PARD3B: variants seen among roughly 807,000 people sequenced by gnomAD.
PARD3B encodes the protein partitioning defective 3 homolog B.
PARD3B carries 103 observed loss-of-function variants against 130.2 expected under a neutral mutation model. That is an observed-to-expected ratio of 0.79 (90% CI 0.67 to 0.93). PARD3B has a LOEUF of 0.93. Ranked by LOEUF, PARD3B falls within the 40% of genes least tolerant of loss-of-function variation. The probability of loss-of-function intolerance (pLI) is 0.00; values close to 1 mark genes in which losing one functional copy is unlikely to be tolerated. For missense variants in PARD3B, 1,609 were observed against 1,499.2 expected (o/e 1.07, Z -1.21); for synonymous variants, 583 against 553.2 (o/e 1.05, Z -0.76).
intron 2 of PARD3B, among the ~76,000 whole-genome samples, chr2:204,918,617 G>C (rs1415841810): frequency 3.5e-5 from 5 of 143,916 alleles, no homozygotes; most frequent in African/African-American, 1.3e-4. Flanking sequence ...GCGACAGAGC[G>C]AGACTCCGTC....
chr2:204,570,405 T>C (rs1199890992), intron 1 of PARD3B, among the ~76,000 whole-genome samples: 1 of 152,184 alleles, frequency 6.6e-6, no homozygotes, highest in African/African-American at 2.4e-5. Context: ...CCGCCTTCTG[T>C]ATTAGCAAGG....
intron 22 of PARD3B, among the ~76,000 whole-genome samples, chr2:205,581,267 G>GAT (rs1559238123): frequency 0.035 from 3,813 of 109,342 alleles, 164 homozygotes; most frequent in African/African-American, 0.13. Flanking sequence ...TATAGATATA[G>GAT]ATAGATAGAT....
chr2:205,115,680 A>G (rs1042222272), intron 6 of PARD3B, among the ~76,000 whole-genome samples: 2 of 152,208 alleles, frequency 1.3e-5, no homozygotes, highest in African/African-American at 4.8e-5. Context: ...TAATGAGTAC[A>G]GGCTGAAACA....
At chr2:204,965,592 G>C (rs945469942) in intron 3 of PARD3B, among the ~76,000 whole-genome samples, 1 of 152,046 alleles carries the variant, frequency 6.6e-6, no homozygotes, top group South Asian at 2.1e-4. Flanking sequence ...AAGTTTGCCT[G>C]TATCATATGA....
At chr2:204,918,693 A>C (rs1179266674) in intron 2 of PARD3B, among the ~76,000 whole-genome samples, 2 of 152,016 alleles carry the variant, frequency 1.3e-5, no homozygotes, top group East Asian at 1.9e-4. Context: ...TAAAATTTGC[A>C]AAGGTTATAG....
chr2:205,431,524 C>T (rs1309561503), intron 19 of PARD3B, among the ~76,000 whole-genome samples: 1 of 151,680 alleles, frequency 6.6e-6, no homozygotes, highest in Non-Finnish European at 1.5e-5. Context: ...GGCTTGAGTG[C>T]AGTGGCGCTA....
intron 2 of PARD3B, among the ~76,000 whole-genome samples, chr2:204,830,137 C>G (rs977751940): frequency 1.3e-5 from 2 of 152,106 alleles, no homozygotes; most frequent in Admixed American, 1.3e-4. Context: ...CCCAGCCATG[C>G]CTGCTGTGTA....
At chr2:205,502,807 A>G (rs1339482898) in intron 21 of PARD3B, among the ~76,000 whole-genome samples, 4 of 152,084 alleles carry the variant, frequency 2.6e-5, no homozygotes, top group Admixed American at 2.6e-4. Context: ...TTTAAAATAT[A>G]TATATAAATA....
At chr2:204,705,777 A>G (rs1463832359) in intron 2 of PARD3B, among the ~76,000 whole-genome samples, 1 of 152,160 alleles carries the variant, frequency 6.6e-6, no homozygotes, top group Non-Finnish European at 1.5e-5. Context: ...AAGCAGTCCA[A>G]AGCAGTGAAG....
At chr2:205,533,678 A>AACTT (rs1384828310) in intron 21 of PARD3B, among the ~76,000 whole-genome samples, 4 of 152,180 alleles carry the variant, frequency 2.6e-5, no homozygotes, top group Admixed American at 2.6e-4. Context: ...ATAAATACTA[A>AACTT]ACTTACAAAA....
At chr2:205,538,635 TTCTC>T (rs1382402282) in intron 21 of PARD3B, among the ~76,000 whole-genome samples, 2 of 152,252 alleles carry the variant, frequency 1.3e-5, no homozygotes, top group East Asian at 1.9e-4. Flanking sequence ...TGTCTCTCCT[TTCTC>T]TCTCGTCACT....
At chr2:205,548,658 T>TATAAATTC (rs1479380444) in intron 21 of PARD3B, among the ~76,000 whole-genome samples, 1 of 152,130 alleles carries the variant, frequency 6.6e-6, no homozygotes, top group Non-Finnish European at 1.5e-5. Context: ...TCTTAAAAAC[T>TATAAATTC]ATAAATTCCC....
At chr2:205,117,033 A>G (rs2029885902) in intron 6 of PARD3B, among the ~76,000 whole-genome samples, 1 of 152,174 alleles carries the variant, frequency 6.6e-6, no homozygotes, top group South Asian at 2.1e-4. Flanking sequence ...AATTAAAGGA[A>G]GACTTGAATG....
intron 3 of PARD3B, among the ~76,000 whole-genome samples, chr2:204,971,755 A>C (rs1691729684): frequency 6.6e-6 from 1 of 152,094 alleles, no homozygotes; most frequent in South Asian, 2.1e-4. Context: ...TGTGACTATA[A>C]CTAAATCAGG....
chr2:204,989,105 G>C (rs563373879), intron 3 of PARD3B, among the ~76,000 whole-genome samples: 10 of 152,096 alleles, frequency 6.6e-5, no homozygotes, highest in African/African-American at 2.4e-4. Context: ...TAATGTTAAG[G>C]GGGGTACAGG....
intron 1 of PARD3B, among the ~76,000 whole-genome samples, chr2:204,662,634 G>A (rs1159687540): frequency 2.6e-5 from 4 of 152,178 alleles, no homozygotes; most frequent in South Asian, 4.1e-4. Context: ...TTCAAGGGTT[G>A]AGGTTTAATA....
intron 11 of PARD3B, among the ~76,000 whole-genome samples, chr2:205,161,332 AG>A (rs1461874966): frequency 6.6e-6 from 1 of 152,148 alleles, no homozygotes; most frequent in Non-Finnish European, 1.5e-5. Flanking sequence ...TGGTCTGCTG[AG>A]TCAGACAATC....
At chr2:205,184,904 G>A (rs959789736) in intron 13 of PARD3B, among the ~76,000 whole-genome samples, 1 of 152,110 alleles carries the variant, frequency 6.6e-6, no homozygotes, top group Non-Finnish European at 1.5e-5. Context: ...AGTTCACACA[G>A]CAGTAGGGTT....
chr2:205,079,362 A>G (rs915358722), intron 4 of PARD3B, among the ~76,000 whole-genome samples: 1 of 152,218 alleles, frequency 6.6e-6, no homozygotes, highest in Admixed American at 6.5e-5. Context: ...TCACATTGCT[A>G]GAGGCAGGAA....
Sources: gnomAD v4.1 joint callset for allele counts (sites outside exome capture counted in the v4.1 genomes callset) on GRCh38, gnomAD v4.1.1 for gene constraint, MANE v1.5 for transcripts, NCBI Gene and HGNC (gene_info 2026-07-23, HGNC 2026-07-21) for gene names.